The following RTN4IP1 variants were observed in gnomAD, a reference collection of about 807,000 sequenced individuals.
RTN4IP1 encodes the protein reticulon 4 interacting protein 1, also known as NAD(P)H oxidoreductase RTN4IP1, mitochondrial.
A neutral mutation model predicts 46.6 loss-of-function variants in RTN4IP1; 32 were observed. The ratio of observed to expected loss-of-function variants is 0.69; its 90% CI spans 0.52 to 0.92. The LOEUF is 0.92. RTN4IP1 is among the 40% of genes least tolerant of loss of function. The pLI is 0.00. For missense variants in RTN4IP1, 424 were observed against 485.8 expected (o/e 0.87, Z 1.20); for synonymous variants, 167 against 161.8 (o/e 1.03, Z -0.24).
In RTN4IP1 at chr6:106,618,136, CA is replaced by C. The variant is rs200717320; in HGVS notation, c.620+1065del. ...AGTACCTCACTAGATGTATAGCTTT[CA>C]TAAGTTTTCAAAAATACAGCTATTA... is the stretch of plus-strand genomic sequence containing the variant. On this transcript the variant is annotated intron_variant, in intron 4 of 8. Transcript: ENST00000369063. 3.3e-5 allele frequency among the ~76,000 whole-genome samples: 5 copies of C among 152,228 alleles called. No individual in the cohort carries two copies. The East Asian group carries it at 9.6e-4, about 29-fold the overall frequency.
chr6:106,629,413 A>C lies in RTN4IP1; in HGVS notation c.-392T>G. The C allele has an allele frequency of 1.7e-6, 1 of 579,696 alleles. No individual in the cohort carries two copies. The highest frequency in any genetic ancestry group is 2.2e-5 in the South Asian group (1 of 46,346). The allele number at this position is 579,696 out of a possible 1,614,324, so 35.9% of individuals were successfully genotyped here. A position where few individuals can be genotyped will look rare whatever the true frequency, so the allele number is the denominator to read the frequency against. ...CACCGCTCGCGATCCAACGCCAGAG[A>C]ATCGAACGCTTGCCGACTGCCGCCG... is the stretch of plus-strand genomic sequence containing the variant. On this transcript the variant is annotated 5_prime_UTR_variant, in exon 1 of 9. The change creates a new upstream start codon in the 5' untranslated region. Coordinates refer to ENST00000369063, the MANE Select transcript of RTN4IP1 (RefSeq NM_032730.5).
chr6:106,601,591 TG>T (rs1243171178), intron 5 of RTN4IP1, among the ~76,000 whole-genome samples: 2 of 152,262 alleles, frequency 1.3e-5, no homozygotes, highest in African/African-American at 4.8e-5. Flanking sequence ...TTTAGATCTT[TG>T]ATCCATTTTG....
In RTN4IP1 at chr6:106,626,728, T is replaced by A. The variant is rs562345707; in HGVS notation, c.274+2020A>T. 9.2e-5 allele frequency among the ~76,000 whole-genome samples: 14 copies of A among 152,352 alleles called. No homozygotes were observed. The East Asian group carries it at 1.4e-3, about 15-fold the overall frequency. ...CTGTTTGGTGACACGGATGACTGAA[T>A]GGGGCCCTTAAGTGTTCCATCCTAT... is the stretch of plus-strand genomic sequence containing the variant. On this transcript the variant is annotated intron_variant, in intron 1 of 8. Transcript: ENST00000369063.
chr6:106,584,136 G>A (rs1418694893), intron 7 of RTN4IP1, among the ~76,000 whole-genome samples: 1 of 152,154 alleles, frequency 6.6e-6, no homozygotes, highest in African/African-American at 2.4e-5. Context: ...AAAGGGTCTT[G>A]CTATGTTGCC....
At chr6:106,611,189 AG>A (rs1776215308) in intron 4 of RTN4IP1, among the ~76,000 whole-genome samples, 1 of 152,178 alleles carries the variant, frequency 6.6e-6, no homozygotes, top group Non-Finnish European at 1.5e-5. Context: ...TCACGGGTTC[AG>A]GTTTCAACTC....
At chr6:106,596,547 C>T (rs1419891278) in intron 5 of RTN4IP1, among the ~76,000 whole-genome samples, 1 of 152,186 alleles carries the variant, frequency 6.6e-6, no homozygotes, top group Admixed American at 6.5e-5. Flanking sequence ...CATGTCACTG[C>T]ATCTCAGCCT....
rs377501857 is a variant in RTN4IP1 at position 106,600,618 on chromosome 6, TTC to T, written c.669+2254_669+2255del. Among the ~76,000 whole-genome samples, 104 of 152,044 alleles carry T rather than the reference TTC, an allele frequency of 6.8e-4. 1 individual carries two copies. In the East Asian group the frequency reaches 0.019, roughly 27 times the overall value. ...AGCCCCTGACAACCACTAATCTGCT[TTC>T]TGTCTCTGTGGATTTGCCTATTCTA... On this transcript the variant is annotated intron_variant, in intron 5 of 8. Coordinates refer to ENST00000369063, the MANE Select transcript of RTN4IP1 (RefSeq NM_032730.5).
intron 1 of RTN4IP1, among the ~76,000 whole-genome samples, chr6:106,626,368 C>G (rs553636156): frequency 6.6e-6 from 1 of 152,288 alleles, no homozygotes; most frequent in South Asian, 2.1e-4. Flanking sequence ...AACAACTTCA[C>G]TTGTAATATT....
In RTN4IP1 at chr6:106,605,988, C is replaced by T. The variant is rs375365838; in HGVS notation, c.621-3066G>A. On this transcript the variant is annotated intron_variant, in intron 4 of 8. Coordinates refer to ENST00000369063, the MANE Select transcript of RTN4IP1 (RefSeq NM_032730.5). ...TTAAGCAAGAGAAAGAAATAAAAGG[C>T]ATCCAAATTGGAAAAGAGGATGTCA... is the stretch of plus-strand genomic sequence containing the variant. Among the ~76,000 whole-genome samples the T allele has an allele frequency of 6.6e-4, 100 of 152,206 alleles. 1 individual carries two copies. Among genetic ancestry groups the T allele is most frequent in the African/African-American group, 2.3e-3 (94 of 41,532 alleles).
intron 8 of RTN4IP1, 61 bp downstream of exon 8, chr6:106,583,267 G>A: frequency 7.5e-7 from 1 of 1,334,026 alleles, no homozygotes; most frequent in South Asian, 1.2e-5. Context: ...CAGTGGGCAG[G>A]TCTACAGGAG....
At chr6:106,579,301 T>A (rs1174004137) in intron 8 of RTN4IP1, among the ~76,000 whole-genome samples, 10 of 151,522 alleles carry the variant, frequency 6.6e-5, no homozygotes, top group Non-Finnish European at 1.3e-4. Flanking sequence ...TCAGACTGAA[T>A]GTGGCCCACA....
At chr6:106,597,770 GT>G (rs796228337) in intron 5 of RTN4IP1, among the ~76,000 whole-genome samples, 37 of 149,088 alleles carry the variant, frequency 2.5e-4, no homozygotes, top group African/African-American at 9.2e-4. Context: ...ATGTATACAT[GT>G]GCCATTCTGG....
At chr6:106,591,461 C>T (rs1465764205) in intron 6 of RTN4IP1, among the ~76,000 whole-genome samples, 1 of 152,102 alleles carries the variant, frequency 6.6e-6, no homozygotes, top group Non-Finnish European at 1.5e-5. Context: ...TATACTTCTA[C>T]TCAATGTGGT....
chr6:106,593,163 G>A (rs1021414321), intron 5 of RTN4IP1, among the ~76,000 whole-genome samples: 6 of 152,088 alleles, frequency 3.9e-5, no homozygotes, highest in Non-Finnish European at 8.8e-5. Flanking sequence ...TAAAAAGAAG[G>A]GGAAGAAACT....
intron 8 of RTN4IP1, among the ~76,000 whole-genome samples, chr6:106,579,046 C>T (rs1236136406): frequency 6.6e-6 from 1 of 151,544 alleles, no homozygotes; most frequent in Non-Finnish European, 1.5e-5. Flanking sequence ...ACCAGCCTGG[C>T]CAACATGGTG....
chr6:106,598,132 T>C (rs199711149), intron 5 of RTN4IP1, among the ~76,000 whole-genome samples: 10,999 of 152,076 alleles, frequency 0.072, 584 homozygotes, highest in East Asian at 0.2. Context: ...TCTTTGCTAT[T>C]GTGAATAATG....
intron 5 of RTN4IP1, among the ~76,000 whole-genome samples, chr6:106,597,437 T>C (rs372158709): frequency 1.3e-5 from 2 of 152,296 alleles, no homozygotes; most frequent in African/African-American, 4.8e-5. Flanking sequence ...CTCGACCTCC[T>C]GGGCTCAAGT....
chr6:106,608,302 G>C (rs1019226439), intron 4 of RTN4IP1, among the ~76,000 whole-genome samples: 6 of 152,170 alleles, frequency 3.9e-5, no homozygotes, highest in African/African-American at 1.4e-4. Context: ...GAAGCAGTGA[G>C]TAGAACTGTG....
chr6:106,572,099 C>G lies in RTN4IP1; in HGVS notation c.1088G>C (p.Arg363Pro). The G allele has an allele frequency of 6.2e-7, 1 of 1,612,850 alleles. No homozygotes were observed. The highest frequency in any genetic ancestry group is 8.5e-7 in the Non-Finnish European group (1 of 1,178,978). ...AGGAAAGGTTTGTTCAATAACTGGC[C>G]GGATCTGTAAAACATAAGAGGTTGA... is the stretch of plus-strand genomic sequence containing the variant. ...IAELVDAGKIRPVIEQTFPFS... is the reference protein window; with the variant it reads ...IAELVDAGKIPPVIEQTFPFS... The change falls in exon 9 of 9, where the codon CGG becomes CCG. Residue 363 changes from arginine (R) to proline (P), a missense_variant. By Grantham distance (103) the Arg-to-Pro change is moderately radical. Transcript: ENST00000369063.
Sources: gnomAD v4.1 joint callset for allele counts (sites outside exome capture counted in the v4.1 genomes callset) on GRCh38, gnomAD v4.1.1 for gene constraint, MANE v1.5 for transcripts, NCBI Gene and HGNC (gene_info 2026-07-23, HGNC 2026-07-21) for gene names.